MAP4K4: variants seen among roughly 807,000 people sequenced by gnomAD.
MAP4K4 encodes the protein mitogen-activated protein kinase kinase kinase kinase 4.
MAP4K4 carries 38 observed loss-of-function variants against 189.6 expected under a neutral mutation model. The ratio of observed to expected loss-of-function variants is 0.20; its 90% CI spans 0.15 to 0.26. The LOEUF is 0.26. Ranked by LOEUF, MAP4K4 falls within the 10% of genes least tolerant of loss-of-function variation. The pLI, the probability that MAP4K4 is intolerant of heterozygous loss-of-function variation, is 1.00. For missense variants in MAP4K4, 1,054 were observed against 1,726.9 expected (o/e 0.61, Z 6.91); for synonymous variants, 610 against 624.3 (o/e 0.98, Z 0.34).
At chr2:101,867,901 T>G in intron 20 of MAP4K4, 128 bp from the exon 21 acceptor site, 1 of 887,432 alleles carries the variant, frequency 1.1e-6, no homozygotes, top group Non-Finnish European at 1.8e-6. Context: ...CTGTCAGAGT[T>G]TTCATTTCCT....
chr2:101,866,994 G>A (rs368674274), intron 19 of MAP4K4, among the ~76,000 whole-genome samples: 5 of 151,614 alleles, frequency 3.3e-5, no homozygotes, highest in East Asian at 2.0e-4. Flanking sequence ...TTGTGAACAC[G>A]TGTCAAAGTG....
chr2:101,867,132 G>A (rs1489841596), intron 19 of MAP4K4, 80 bp from the exon 20 acceptor site: 3 of 846,330 alleles, frequency 3.5e-6, no homozygotes, highest in Admixed American at 2.2e-5. Flanking sequence ...AGGAGTGGGC[G>A]GGGTGGGCAG....
chr2:101,722,031 T>G (rs1438808032), intron 2 of MAP4K4, among the ~76,000 whole-genome samples: 1 of 152,158 alleles, frequency 6.6e-6, no homozygotes, highest in Non-Finnish European at 1.5e-5. Context: ...GCCTTGAACC[T>G]CACCTTGGTT....
At chr2:101,847,651 G>A (rs1033664349) in intron 12 of MAP4K4, among the ~76,000 whole-genome samples, 1 of 152,198 alleles carries the variant, frequency 6.6e-6, no homozygotes, top group African/African-American at 2.4e-5. Context: ...AGATTTATAT[G>A]AAGTGTTTGT....
At chr2:101,836,057 T>G (rs1008282899) in intron 9 of MAP4K4, 79 bp downstream of exon 9, 23 of 1,100,944 alleles carry the variant, frequency 2.1e-5, no homozygotes, top group Non-Finnish European at 3.0e-5. Context: ...TCCTCTGAGA[T>G]AAAATTCTGG....
intron 2 of MAP4K4, among the ~76,000 whole-genome samples, chr2:101,765,063 C>G (rs2078025632): frequency 6.6e-6 from 1 of 151,904 alleles, no homozygotes; most frequent in East Asian, 1.9e-4. Flanking sequence ...AACAAATTAA[C>G]AACACAAATA....
At chr2:101,844,971 C>T (rs948552681) in intron 12 of MAP4K4, among the ~76,000 whole-genome samples, 2 of 151,748 alleles carry the variant, frequency 1.3e-5, no homozygotes, top group South Asian at 2.1e-4. Flanking sequence ...GACATAGAGG[C>T]GGAAACACGG....
chr2:101,809,842 G>A (rs979608589), intron 3 of MAP4K4, among the ~76,000 whole-genome samples: 1 of 152,230 alleles, frequency 6.6e-6, no homozygotes, highest in Non-Finnish European at 1.5e-5. Flanking sequence ...GTGCTTGGCA[G>A]CACCATCTTC....
intron 19 of MAP4K4, 135 bp from the exon 20 acceptor site, chr2:101,867,077 G>C: frequency 3.3e-6 from 2 of 605,494 alleles, no homozygotes; most frequent in Non-Finnish European, 5.9e-6. Flanking sequence ...CCTCTGCTCT[G>C]TAATTCAGAC....
At chr2:101,864,810 G>A (rs994323285) in intron 17 of MAP4K4, 120 bp from the exon 18 acceptor site, 1 of 660,490 alleles carries the variant, frequency 1.5e-6, no homozygotes, top group South Asian at 1.9e-5. Context: ...GGGGAGTGGA[G>A]GTGATAGGAA....
intron 5 of MAP4K4, 64 bp downstream of exon 5, chr2:101,825,493 C>G: frequency 4.8e-6 from 5 of 1,049,978 alleles, no homozygotes; most frequent in Non-Finnish European, 5.7e-6. Flanking sequence ...TTCATTTTCC[C>G]AGCCCCAAGT....
intron 2 of MAP4K4, among the ~76,000 whole-genome samples, chr2:101,703,490 C>T (rs903009112): frequency 7.3e-5 from 11 of 150,824 alleles, no homozygotes; most frequent in African/African-American, 2.4e-4. Context: ...TGGTGGTGTA[C>T]GCCTGTAATC....
chr2:101,787,804 C>CTTTTT (rs750909990), intron 2 of MAP4K4, among the ~76,000 whole-genome samples: 2 of 128,848 alleles, frequency 1.6e-5, no homozygotes, highest in Non-Finnish European at 1.6e-5. Context: ...TAGAAGTTTG[C>CTTTTT]TTTTTTTTTT....
At position 101,888,100 on chromosome 2, in the gene MAP4K4, A is replaced by G. The variant is rs531972860; in HGVS notation, c.3931+163A>G. 5.3e-5 allele frequency among the ~76,000 whole-genome samples: 8 copies of G among 152,374 alleles called. No homozygotes were observed. The East Asian group carries it at 1.5e-3, about 29-fold the overall frequency. On this transcript the variant is annotated intron_variant, in intron 31 of 32. Transcript: ENST00000324219. ...GAAAGTTAGATTGTAGGCCGTGGAAATAGTCATAGGTCTATTTTAGAACAA... is the reference window on the plus strand; with the variant it reads ...GAAAGTTAGATTGTAGGCCGTGGAAGTAGTCATAGGTCTATTTTAGAACAA...
At chr2:101,892,743 T>G (rs910981309) in exon 33 of MAP4K4, 2 of 372,680 alleles carry the variant, frequency 5.4e-6, no homozygotes, top group African/African-American at 4.2e-5. Flanking sequence ...CTCTGTTTTT[T>G]TAAACCAATT....
At chr2:101,821,031 T>A (rs985475859) in intron 3 of MAP4K4, among the ~76,000 whole-genome samples, 2 of 152,198 alleles carry the variant, frequency 1.3e-5, no homozygotes, top group Non-Finnish European at 2.9e-5. Context: ...AGAAGTGTTT[T>A]GTTTTACTGG....
chr2:101,862,629 A>C (rs1166143126), intron 16 of MAP4K4, among the ~76,000 whole-genome samples: 1 of 152,234 alleles, frequency 6.6e-6, no homozygotes, highest in Non-Finnish European at 1.5e-5. Flanking sequence ...TTGTGTAGTA[A>C]CTAGAAAGAG....
At chr2:101,847,334 T>C (rs1158506781) in intron 12 of MAP4K4, among the ~76,000 whole-genome samples, 2 of 152,240 alleles carry the variant, frequency 1.3e-5, no homozygotes, top group Non-Finnish European at 2.9e-5. Flanking sequence ...CTTCTACATA[T>C]TAAAAACCAA....
At chr2:101,887,429 T>C (rs923026442) in intron 30 of MAP4K4, among the ~76,000 whole-genome samples, 192 bp downstream of exon 30, 6 of 152,208 alleles carry the variant, frequency 3.9e-5, no homozygotes, top group Admixed American at 1.3e-4. Context: ...TTCCTGGCTC[T>C]GTGGAGCCCT....
Sources: allele counts gnomAD v4.1 joint callset (sites outside exome capture counted in the v4.1 genomes callset), GRCh38; gene constraint gnomAD v4.1.1; transcripts MANE v1.5; gene names NCBI Gene and HGNC (gene_info 2026-07-23, HGNC 2026-07-21).